The following TRAPPC9 variants were observed in gnomAD, a reference collection of about 807,000 sequenced individuals.
The protein encoded by TRAPPC9 is trafficking protein particle complex subunit 9.
Under a neutral mutation model 124.0 loss-of-function variants are expected in TRAPPC9, and 83 were observed. The observed-to-expected ratio is 0.67, with a 90% CI of 0.56 to 0.80. The LOEUF (loss-of-function observed/expected upper bound fraction) is 0.80. TRAPPC9 is among the 30% of genes least tolerant of loss of function. TRAPPC9 has a pLI of 0.00. For synonymous variants in TRAPPC9, 638 were observed against 617.5 expected, an observed-to-expected ratio of 1.03 and a Z score of -0.49; for missense variants, 1,302 against 1,508.3, an observed-to-expected ratio of 0.86 and a Z score of 2.27.
chr8:139,918,769 C>T (rs2131324632), intron 19 of TRAPPC9, among the ~76,000 whole-genome samples: 1 of 152,330 alleles, frequency 6.6e-6, no homozygotes, highest in Non-Finnish European at 1.5e-5. Context: ...GAAAATAGTG[C>T]TTAATAAAAT....
intron 9 of TRAPPC9, among the ~76,000 whole-genome samples, chr8:140,358,786 G>C (rs988123647): frequency 2.6e-5 from 4 of 152,190 alleles, no homozygotes; most frequent in African/African-American, 9.6e-5. Flanking sequence ...ACGGCCTGCA[G>C]GGAGGAGAGG....
chr8:140,266,228 G>A (rs1410576678), intron 15 of TRAPPC9, among the ~76,000 whole-genome samples: 3 of 152,140 alleles, frequency 2.0e-5, no homozygotes, highest in African/African-American at 7.2e-5. Context: ...GGCTGAGGCG[G>A]ACAGAGTATT....
At chr8:139,932,091 G>A (rs1000001473) in intron 19 of TRAPPC9, 5 of 350,700 alleles carry the variant, frequency 1.4e-5, no homozygotes, top group African/African-American at 2.1e-5. Flanking sequence ...GATAGAAGAG[G>A]CCGCAGAGGT....
intron 17 of TRAPPC9, among the ~76,000 whole-genome samples, chr8:140,178,210 T>C (rs1015992544): frequency 1.8e-4 from 27 of 152,112 alleles, no homozygotes; most frequent in African/African-American, 6.3e-4. Flanking sequence ...TTACCGGCCT[T>C]AGGAGGAAAG....
chr8:140,116,675 G>A (rs766314727), intron 17 of TRAPPC9, among the ~76,000 whole-genome samples: 6 of 152,182 alleles, frequency 3.9e-5, no homozygotes, highest in Admixed American at 1.3e-4. Flanking sequence ...CTGTGGTTTT[G>A]AGAAGTAACC....
intron 17 of TRAPPC9, among the ~76,000 whole-genome samples, chr8:140,064,733 C>T (rs1391077961): frequency 6.6e-6 from 1 of 152,204 alleles, no homozygotes; most frequent in Admixed American, 6.5e-5. Flanking sequence ...AGCAACATTA[C>T]TAATTCCTGG....
chr8:139,951,063 C>T (rs749014152), intron 19 of TRAPPC9, among the ~76,000 whole-genome samples: 4 of 152,204 alleles, frequency 2.6e-5, no homozygotes, highest in Non-Finnish European at 5.9e-5. Context: ...CGCCACCTCC[C>T]CACCTGTGAC....
chr8:140,142,017 A>G (rs977587330), intron 17 of TRAPPC9, among the ~76,000 whole-genome samples: 1 of 152,226 alleles, frequency 6.6e-6, no homozygotes, highest in Non-Finnish European at 1.5e-5. Flanking sequence ...CCAAGGCAAA[A>G]GGGTTAATGG....
At chr8:139,737,136 C>T (rs376372742) in intron 21 of TRAPPC9, among the ~76,000 whole-genome samples, 3 of 152,204 alleles carry the variant, frequency 2.0e-5, no homozygotes, top group African/African-American at 7.2e-5. Context: ...CTGTGGCCCG[C>T]GCAGGGGCTG....
intron 17 of TRAPPC9, among the ~76,000 whole-genome samples, chr8:140,148,383 C>A (rs963818691): frequency 1.3e-5 from 2 of 152,236 alleles, no homozygotes; most frequent in Non-Finnish European, 2.9e-5. Flanking sequence ...TTACACTAAA[C>A]TCTTTTTCAT....
intron 17 of TRAPPC9, among the ~76,000 whole-genome samples, chr8:140,189,690 C>T (rs1170026082): frequency 8.6e-6 from 1 of 116,802 alleles, no homozygotes; most frequent in East Asian, 2.2e-4. Context: ...CCCAAGTTTC[C>T]AGATTTTTTT....
chr8:140,158,566 G>C (rs1037769823), intron 17 of TRAPPC9, among the ~76,000 whole-genome samples: 2 of 152,206 alleles, frequency 1.3e-5, no homozygotes, highest in Non-Finnish European at 2.9e-5. Context: ...AAGCCACTGA[G>C]TTTATAGTAT....
intron 20 of TRAPPC9, 34 bp from the exon 21 acceptor site, chr8:139,886,003 G>T: frequency 6.5e-7 from 1 of 1,542,074 alleles, no homozygotes; most frequent in South Asian, 1.2e-5. Flanking sequence ...CAACTCCTGC[G>T]GAGCCCAGGG....
chr8:140,327,279 A>G (rs1276860950), intron 9 of TRAPPC9, among the ~76,000 whole-genome samples: 3 of 152,116 alleles, frequency 2.0e-5, no homozygotes, highest in Non-Finnish European at 4.4e-5. Flanking sequence ...ACAAGACAAG[A>G]ATCATCTGAC....
chr8:139,838,590 C>T (rs1241619318), intron 21 of TRAPPC9, among the ~76,000 whole-genome samples: 2 of 152,144 alleles, frequency 1.3e-5, no homozygotes, highest in African/African-American at 2.4e-5. Flanking sequence ...TGGCGGGTCT[C>T]CTTGGCCGCA....
intron 16 of TRAPPC9, among the ~76,000 whole-genome samples, chr8:140,243,343 G>A (rs1353990183): frequency 6.6e-6 from 1 of 152,224 alleles, no homozygotes; most frequent in African/African-American, 2.4e-5. Context: ...AGAGGAAAGA[G>A]GGGAAGCAGA....
At chr8:140,378,852 G>C (rs1454061009) in intron 7 of TRAPPC9, among the ~76,000 whole-genome samples, 1 of 152,088 alleles carries the variant, frequency 6.6e-6, no homozygotes, top group Non-Finnish European at 1.5e-5. Context: ...TGGCTTCCAA[G>C]GCCTACTGAC....
At chr8:140,157,214 C>CTTTCTGTGGA (rs2061665009) in intron 17 of TRAPPC9, among the ~76,000 whole-genome samples, 1 of 44,160 alleles carries the variant, frequency 2.3e-5, no homozygotes, top group Admixed American at 2.5e-4. Context: ...CCTCCCTTTT[C>CTTTCTGTGGA]CATTCAAAAG....
chr8:140,113,038 T>C (rs563624344), intron 17 of TRAPPC9, among the ~76,000 whole-genome samples: 2 of 152,216 alleles, frequency 1.3e-5, no homozygotes, highest in South Asian at 4.1e-4. Context: ...AAAAAAAAAT[T>C]CTTCCACATA....
Sources: gnomAD v4.1 joint callset for allele counts (sites outside exome capture counted in the v4.1 genomes callset) on GRCh38, gnomAD v4.1.1 for gene constraint, MANE v1.5 for transcripts, NCBI Gene and HGNC (gene_info 2026-07-23, HGNC 2026-07-21) for gene names.